The following PPP2R2A variants were observed in gnomAD, a reference collection of about 807,000 sequenced individuals.
The protein encoded by PPP2R2A is protein phosphatase 2 regulatory subunit Balpha, also known as serine/threonine-protein phosphatase 2A 55 kDa regulatory subunit B alpha isoform.
A neutral mutation model predicts 53.2 loss-of-function variants in PPP2R2A; 9 were observed. That is an observed-to-expected ratio of 0.17 (90% confidence interval 0.10 to 0.30). The LOEUF (loss-of-function observed/expected upper bound fraction) is 0.30, where lower values mean the gene tolerates loss of function less well. Among genes scored for constraint, PPP2R2A ranks in the 10% least tolerant of loss-of-function variants. The probability of loss-of-function intolerance (pLI) is 1.00; values close to 1 mark genes in which losing one functional copy is unlikely to be tolerated. For synonymous variants in PPP2R2A, 169 were observed against 174.2 expected (o/e 0.97, Z 0.23); for missense variants, 235 against 534.6 (o/e 0.44, Z 5.53).
At chr8:26,310,362 C>T (rs1020227682) in intron 2 of PPP2R2A, among the ~76,000 whole-genome samples, 26 of 141,276 alleles carry the variant, frequency 1.8e-4, no homozygotes, top group African/African-American at 6.8e-4. Flanking sequence ...TATATTATAT[C>T]TGTTAATATT....
chr8:26,304,399 A>G (rs1343926411), intron 2 of PPP2R2A, among the ~76,000 whole-genome samples: 2 of 152,082 alleles, frequency 1.3e-5, no homozygotes. Context: ...TAAGTTTTTC[A>G]GTAGCTTGTA....
chr8:26,308,583 T>C (rs1802128388), intron 2 of PPP2R2A, among the ~76,000 whole-genome samples: 2 of 152,340 alleles, frequency 1.3e-5, no homozygotes, highest in East Asian at 3.9e-4. Context: ...CCAATACATC[T>C]TTAGGCTCCA....
At chr8:26,316,827 C>T (rs556171938) in intron 2 of PPP2R2A, among the ~76,000 whole-genome samples, 21 of 152,284 alleles carry the variant, frequency 1.4e-4, no homozygotes, top group African/African-American at 4.3e-4. Context: ...CCCTTATTAC[C>T]GGATCACCTG....
Position 26,360,012 on chromosome 8 carries a change from T to G in PPP2R2A, c.347-157T>G, listed in dbSNP as rs1474271984. ...CTTTATTTCCATGTGTGTATGTTATTCAGCTGATAATAGGAAATTTTTTAG... is the reference window on the plus strand; with the variant it reads ...CTTTATTTCCATGTGTGTATGTTATGCAGCTGATAATAGGAAATTTTTTAG... On this transcript the variant is annotated intron_variant, in intron 4 of 9. Transcript: ENST00000380737. The surrounding 1 kb of genome is among the most constrained non-coding windows in gnomAD (Gnocchi z 4.5). Among the ~76,000 whole-genome samples the G allele has an allele frequency of 2.0e-5, 3 of 151,852 alleles. No individual in the cohort carries two copies. The highest frequency in any genetic ancestry group is 2.9e-5 in the Non-Finnish European group (2 of 67,984).
At chr8:26,317,073 C>A (rs1802597524) in intron 2 of PPP2R2A, among the ~76,000 whole-genome samples, 2 of 152,214 alleles carry the variant, frequency 1.3e-5, no homozygotes, top group Admixed American at 1.3e-4. Context: ...TCGCCTGTTA[C>A]TAGTAGTACA....
intron 3 of PPP2R2A, among the ~76,000 whole-genome samples, chr8:26,342,823 T>A (rs180971031): frequency 6.6e-6 from 1 of 152,276 alleles, no homozygotes; most frequent in African/African-American, 2.4e-5. Context: ...TCACAAAAGG[T>A]GGATAGTATT....
At chr8:26,300,581 C>A (rs1350008234) in intron 2 of PPP2R2A, among the ~76,000 whole-genome samples, 1 of 152,062 alleles carries the variant, frequency 6.6e-6, no homozygotes. Context: ...GCTGGCGGGG[C>A]GCGGTGGCTC....
At chr8:26,336,881 A>G (rs1803690603) in intron 2 of PPP2R2A, among the ~76,000 whole-genome samples, 1 of 151,508 alleles carries the variant, frequency 6.6e-6, no homozygotes, top group South Asian at 2.1e-4. Context: ...GACTCTTTTA[A>G]GAAAAAAAAA....
intron 2 of PPP2R2A, among the ~76,000 whole-genome samples, chr8:26,300,830 A>G (rs1801747735): frequency 6.6e-6 from 1 of 152,178 alleles, no homozygotes. Context: ...CAGCCTGGGC[A>G]ACAGAGCAAG....
intron 3 of PPP2R2A, among the ~76,000 whole-genome samples, chr8:26,351,785 T>C (rs1454783935): frequency 6.6e-6 from 1 of 152,244 alleles, no homozygotes; most frequent in African/African-American, 2.4e-5. Flanking sequence ...TGGTGTATCC[T>C]CATGCCAGTA....
At chr8:26,292,212 T>G (rs1038353072) in intron 1 of PPP2R2A, 1 of 1,086,618 alleles carries the variant, frequency 9.2e-7, no homozygotes. Context: ...AGGTCTTCAT[T>G]TAATTTCTAT....
intron 2 of PPP2R2A, among the ~76,000 whole-genome samples, chr8:26,301,102 A>G (rs1214817612): frequency 6.6e-6 from 1 of 152,168 alleles, no homozygotes; most frequent in Non-Finnish European, 1.5e-5. Context: ...CAGGTGGTGA[A>G]GCTGGGATTC....
At chr8:26,330,058 TACTTACGTTAGAGC>T (rs1803289093) in intron 2 of PPP2R2A, among the ~76,000 whole-genome samples, 1 of 152,204 alleles carries the variant, frequency 6.6e-6, no homozygotes, top group Non-Finnish European at 1.5e-5. Flanking sequence ...ACTGCAGTGA[TACTTACGTTAGAGC>T]ACTTGATGTT....
chr8:26,324,613 C>T (rs1802997554), intron 2 of PPP2R2A, among the ~76,000 whole-genome samples: 1 of 152,162 alleles, frequency 6.6e-6, no homozygotes, highest in Non-Finnish European at 1.5e-5. Context: ...TCGGAGCCCC[C>T]ACACAGAGTC....
At chr8:26,308,571 G>A (rs907277736) in intron 2 of PPP2R2A, among the ~76,000 whole-genome samples, 2 of 152,102 alleles carry the variant, frequency 1.3e-5, no homozygotes, top group African/African-American at 4.8e-5. Context: ...CATGAAATTG[G>A]ACCAATACAT....
intron 2 of PPP2R2A, among the ~76,000 whole-genome samples, chr8:26,328,311 C>T (rs1803197755): frequency 6.6e-6 from 1 of 152,140 alleles, no homozygotes; most frequent in African/African-American, 2.4e-5. Context: ...GTTCTAAAAA[C>T]TTAGTATGAA....
At chr8:26,337,275 T>C (rs957717286) in intron 2 of PPP2R2A, among the ~76,000 whole-genome samples, 2 of 152,210 alleles carry the variant, frequency 1.3e-5, no homozygotes, top group East Asian at 3.8e-4. Flanking sequence ...CAGCAAATTA[T>C]CAATGCTGTA....
rs1038496709 is a variant in PPP2R2A, at chr8:26,338,086, T to G, written c.83-804T>G. ...ATGATAGGGGCTTTTCTAATTCAGC[T>G]TAATGCTTTATAGTGAAGAACTTCT... On this transcript the variant is annotated intron_variant, in intron 2 of 9. Coordinates refer to ENST00000380737, the MANE Select transcript of PPP2R2A (RefSeq NM_002717.4). This position sits in a 1 kb window ranked among gnomAD's most constrained non-coding sequence, Gnocchi z 4.5. Among the ~76,000 whole-genome samples, 1 of 152,262 alleles carries G rather than the reference T, an allele frequency of 6.6e-6. No individual in the cohort carries two copies. The highest frequency in any genetic ancestry group is 6.5e-5 in the Admixed American group (1 of 15,286).
rs923996277 is a variant in PPP2R2A at position 26,330,730 on chromosome 8, G to GT, written c.83-8155dup. ...GTCACTTCTGGCTCTGTTTACACTG[G>GT]TTTTTCTTCTGATTATGGGTTGTAT... On this transcript the variant is annotated intron_variant, in intron 2 of 9. Coordinates refer to ENST00000380737, the MANE Select transcript of PPP2R2A (RefSeq NM_002717.4). 4.3e-3 allele frequency among the ~76,000 whole-genome samples: 648 copies of GT among 152,058 alleles called. 6 individuals carry two copies. Among genetic ancestry groups the GT allele is most frequent in the African/African-American group, 0.014 (588 of 41,448 alleles).
Sources: gnomAD v4.1 joint callset for allele counts (sites outside exome capture counted in the v4.1 genomes callset) on GRCh38, gnomAD v4.1.1 for gene constraint, Gnocchi (gnomAD v3.1) non-coding constraint, MANE v1.5 for transcripts, NCBI Gene and HGNC (gene_info 2026-07-23, HGNC 2026-07-21) for gene names.